Variants in CDH13 observed in about 807,000 individuals in gnomAD.
CDH13 encodes cadherin 13, also known as cadherin-13.
A neutral mutation model predicts 63.8 loss-of-function variants in CDH13; 24 were observed. The ratio of observed to expected loss-of-function variants is 0.38; its 90% CI spans 0.27 to 0.53. The LOEUF (loss-of-function observed/expected upper bound fraction) is 0.53. Among genes scored for constraint, CDH13 ranks in the 20% least tolerant of loss-of-function variants. The pLI is 0.85. For missense variants in CDH13, 1,049 were observed against 903.1 expected (o/e 1.16, Z -2.07); for synonymous variants, 503 against 355.3 (o/e 1.42, Z -4.67).
intron 1 of CDH13, among the ~76,000 whole-genome samples, chr16:82,679,240 A>G (rs1046225396): frequency 6.6e-6 from 1 of 152,216 alleles, no homozygotes; most frequent in Non-Finnish European, 1.5e-5. Flanking sequence ...AATACGGGGT[A>G]TAGCTGAGGC....
At chr16:83,759,360 C>G (rs1448473493) in intron 11 of CDH13, among the ~76,000 whole-genome samples, 3 of 152,094 alleles carry the variant, frequency 2.0e-5, no homozygotes, top group Admixed American at 1.3e-4. Context: ...AAAATGCATC[C>G]TGACCCCCTC....
chr16:83,408,382 C>G (rs1450621269), intron 6 of CDH13, among the ~76,000 whole-genome samples: 1 of 152,170 alleles, frequency 6.6e-6, no homozygotes, highest in Non-Finnish European at 1.5e-5. Context: ...ATATAGTGCA[C>G]TTACGCAAAT....
At chr16:82,661,359 G>C (rs1434740510) in intron 1 of CDH13, among the ~76,000 whole-genome samples, 2 of 152,196 alleles carry the variant, frequency 1.3e-5, no homozygotes, top group Admixed American at 1.3e-4. Context: ...GATAGGAACG[G>C]GTAATTGACA....
At chr16:82,870,380 T>C (rs1397452689) in intron 2 of CDH13, among the ~76,000 whole-genome samples, 1 of 152,080 alleles carries the variant, frequency 6.6e-6, no homozygotes, top group Non-Finnish European at 1.5e-5. Context: ...ATGTAAATTA[T>C]TACAGCCACT....
In CDH13 at chr16:82,937,758, C is replaced by T. The variant is rs16958879; in HGVS notation, c.157+79285C>T. Among the ~76,000 whole-genome samples the T allele has an allele frequency of 7.9e-3, 1,201 of 152,322 alleles. 13 individuals are homozygous for T. Among genetic ancestry groups the T allele is most frequent in the African/African-American group, 0.028 (1,167 of 41,574 alleles). On this transcript the variant is annotated intron_variant, in intron 2 of 13. Coordinates refer to ENST00000567109, the MANE Select transcript of CDH13 (RefSeq NM_001257.5). ...AGCGTCCATAATATCTGTTTGTCCA[C>T]ATATAACCTATTTTATAGCAGAGCT...
intron 2 of CDH13, among the ~76,000 whole-genome samples, chr16:82,914,963 C>T (rs116822880): frequency 2.2e-3 from 337 of 152,360 alleles, no homozygotes; most frequent in African/African-American, 7.8e-3. Context: ...TCCCTCCCTC[C>T]TCCACACTTA....
chr16:82,747,151 T>C (rs17274597), intron 1 of CDH13, among the ~76,000 whole-genome samples: 56,003 of 152,030 alleles, frequency 0.37, 11,200 homozygotes, highest in South Asian at 0.46. Context: ...TGTTGTACCA[T>C]GATGACTGCC....
chr16:83,424,324 G>A (rs1224868149), intron 6 of CDH13, among the ~76,000 whole-genome samples: 1 of 152,216 alleles, frequency 6.6e-6, no homozygotes, highest in Non-Finnish European at 1.5e-5. Context: ...AGCATGGACT[G>A]CTGTGCACCA....
At chr16:83,555,371 C>T (rs1476877661) in intron 7 of CDH13, among the ~76,000 whole-genome samples, 2 of 152,196 alleles carry the variant, frequency 1.3e-5, no homozygotes, top group African/African-American at 4.8e-5. Context: ...TGCCCCAGGC[C>T]TGTGGAATCA....
chr16:83,497,130 G>A (rs541514735), intron 7 of CDH13, among the ~76,000 whole-genome samples: 44 of 152,180 alleles, frequency 2.9e-4, no homozygotes, highest in African/African-American at 1.0e-3. Flanking sequence ...AGAACTGGAA[G>A]TACCATTTGA....
chr16:83,720,206 C>A (rs1304838292), intron 10 of CDH13, among the ~76,000 whole-genome samples: 1 of 152,154 alleles, frequency 6.6e-6, no homozygotes, highest in Non-Finnish European at 1.5e-5. Context: ...CGTTCACACA[C>A]TTGTGCATGT....
rs1597973551 is a variant in CDH13, at chr16:83,418,068, A to G, written c.782-68409A>G. 2.0e-5 allele frequency among the ~76,000 whole-genome samples: 3 copies of G among 152,190 alleles called. No homozygotes were observed. The East Asian group carries it at 5.8e-4, about 29-fold the overall frequency. On this transcript the variant is annotated intron_variant, in intron 6 of 13. Transcript: ENST00000567109. ...CTCCTTTTTAATCATGCAGTAGAAC[A>G]TGGCAGTTAGGAAAATGGGCTCTTT...
chr16:82,809,818 C>G (rs1431675333), intron 1 of CDH13, among the ~76,000 whole-genome samples: 1 of 151,854 alleles, frequency 6.6e-6, no homozygotes, highest in Non-Finnish European at 1.5e-5. Context: ...ATGCCATTAA[C>G]AAAAATAATT....
chr16:83,079,852 T>A (rs1336342874), intron 3 of CDH13, among the ~76,000 whole-genome samples: 3 of 152,228 alleles, frequency 2.0e-5, no homozygotes, highest in Non-Finnish European at 2.9e-5. Flanking sequence ...ATATCTACCT[T>A]ATATAAATTT....
chr16:83,266,814 C>G (rs1907679141), intron 5 of CDH13, among the ~76,000 whole-genome samples: 1 of 152,200 alleles, frequency 6.6e-6, no homozygotes, highest in Non-Finnish European at 1.5e-5. Context: ...TTCCCCACCT[C>G]TCAGGGCTTC....
intron 7 of CDH13, among the ~76,000 whole-genome samples, chr16:83,561,994 A>G (rs974551935): frequency 6.6e-6 from 1 of 152,220 alleles, no homozygotes; most frequent in Non-Finnish European, 1.5e-5. Context: ...CCGCAGAGTC[A>G]AGATCCTAGA....
At chr16:83,057,652 C>T (rs2031085785) in intron 3 of CDH13, among the ~76,000 whole-genome samples, 2 of 151,798 alleles carry the variant, frequency 1.3e-5, no homozygotes, top group African/African-American at 2.4e-5. Context: ...ACACACAAAA[C>T]CATCTATAAA....
rs147778898 is a variant in CDH13 at position 83,149,307 on chromosome 16, C to A, written c.483+23806C>A. On this transcript the variant is annotated intron_variant, in intron 4 of 13. Coordinates refer to ENST00000567109, the MANE Select transcript of CDH13 (RefSeq NM_001257.5). The stretch of plus-strand genomic sequence containing the variant: ...AAAGCAGAGAATACACATTTATACT[C>A]ATTTGATCAGGAAGCATAAGGAAGC... Among the ~76,000 whole-genome samples, 1,127 of 152,288 alleles carry A rather than the reference C, an allele frequency of 7.4e-3. 5 individuals are homozygous for A. The highest frequency in any genetic ancestry group is 0.018 in the South Asian group (85 of 4,830).
intron 4 of CDH13, among the ~76,000 whole-genome samples, chr16:83,132,288 G>A (rs2036086364): frequency 6.6e-6 from 1 of 151,918 alleles, no homozygotes; most frequent in Admixed American, 6.6e-5. Context: ...TTATGATCAG[G>A]CACTTACTGG....
Sources: allele counts gnomAD v4.1 joint callset (sites outside exome capture counted in the v4.1 genomes callset), GRCh38; gene constraint gnomAD v4.1.1; transcripts MANE v1.5; gene names NCBI Gene and HGNC (gene_info 2026-07-23, HGNC 2026-07-21).